WDR59: variants seen among roughly 807,000 people sequenced by gnomAD.
WDR59 encodes the protein WD repeat domain 59.
WDR59 carries 100 observed loss-of-function variants against 131.2 expected under a neutral mutation model. The observed-to-expected ratio is 0.76, with a 90% CI of 0.65 to 0.90. WDR59 has a LOEUF of 0.90. WDR59 is among the 40% of genes least tolerant of loss of function. The pLI, the probability that WDR59 is intolerant of heterozygous loss-of-function variation, is 0.00. For synonymous variants in WDR59, 601 were observed against 466.2 expected (o/e 1.29, Z -3.72); for missense variants, 1,203 against 1,262.2 (o/e 0.95, Z 0.71).
chr16:74,906,810 T>A (rs1226340379), intron 17 of WDR59, among the ~76,000 whole-genome samples: 2 of 152,012 alleles, frequency 1.3e-5, no homozygotes, highest in African/African-American at 4.8e-5. Flanking sequence ...ATGACAGAAG[T>A]CAAGAGAGTG....
At chr16:74,890,867 G>A (rs933132827) in intron 20 of WDR59, among the ~76,000 whole-genome samples, 2 of 151,976 alleles carry the variant, frequency 1.3e-5, no homozygotes, top group South Asian at 4.2e-4. Context: ...TGTAATCTCA[G>A]CACTTTGGGA....
In WDR59 at chr16:74,919,756, C is replaced by T. The variant is rs145422360; in HGVS notation, c.887-1748G>A. Among the ~76,000 whole-genome samples, 115 of 152,298 alleles carry T rather than the reference C, an allele frequency of 7.6e-4. 1 individual carries two copies. The highest frequency in any genetic ancestry group is 2.7e-3 in the African/African-American group (112 of 41,584). On this transcript the variant is annotated intron_variant, in intron 10 of 25. Transcript: ENST00000262144. ...CCTGAAACCAAGGACTACTGCTTCC[C>T]TCAGGAGGCATCCTTGTCCCCTGGC...
chr16:74,945,401 T>C (rs7192232), intron 6 of WDR59, among the ~76,000 whole-genome samples: 77,044 of 150,966 alleles, frequency 0.51, 20,376 homozygotes, highest in Middle Eastern at 0.63. Context: ...GGCGAGAACC[T>C]GGGAGGCAGA....
chr16:74,916,580 C>G (rs550690879), intron 11 of WDR59, among the ~76,000 whole-genome samples: 12 of 152,278 alleles, frequency 7.9e-5, no homozygotes, highest in African/African-American at 2.9e-4. Context: ...CATAACCGGC[C>G]AGGCGTAGTG....
chr16:74,930,954 C>T (rs973380338), intron 8 of WDR59, among the ~76,000 whole-genome samples: 2 of 146,504 alleles, frequency 1.4e-5, no homozygotes, highest in African/African-American at 2.5e-5. Context: ...GGTAATGTCT[C>T]GGAGCAAGAC....
At chr16:74,962,443 T>G (rs985644654) in intron 2 of WDR59, among the ~76,000 whole-genome samples, 1 of 152,198 alleles carries the variant, frequency 6.6e-6, no homozygotes, top group Non-Finnish European at 1.5e-5. Flanking sequence ...TATTTGTTTC[T>G]GTCCTCTCTG....
In WDR59 at chr16:74,874,462, C is replaced by T. The variant is rs190908353; in HGVS notation, c.2690-18G>A. 462 of 1,610,830 alleles carry T rather than the reference C, an allele frequency of 2.9e-4. 1 individual carries two copies. In the East Asian group the frequency reaches 5.0e-3, roughly 17 times the overall value. ...GCCGAACTCTGGAAATGGGCAGGGACGGGCAAAACAAGAGGCAGCATGAGT... is the reference window on the plus strand; with the variant it reads ...GCCGAACTCTGGAAATGGGCAGGGATGGGCAAAACAAGAGGCAGCATGAGT... On this transcript the variant is annotated intron_variant, in intron 25 of 25. Coordinates refer to ENST00000262144, the MANE Select transcript of WDR59 (RefSeq NM_030581.4).
intron 8 of WDR59, among the ~76,000 whole-genome samples, chr16:74,936,051 C>A (rs185625558): frequency 2.0e-5 from 3 of 151,706 alleles, no homozygotes; most frequent in East Asian, 3.9e-4. Flanking sequence ...AAATCAAATA[C>A]CATGCCAAAA....
intron 2 of WDR59, 122 bp downstream of exon 2, chr16:74,965,651 A>G: frequency 8.4e-7 from 1 of 1,192,538 alleles, no homozygotes; most frequent in Non-Finnish European, 1.2e-6. Context: ...CAAACAGGAT[A>G]TCAGAACTAA....
At chr16:74,896,572 T>C (rs575597196) in intron 18 of WDR59, among the ~76,000 whole-genome samples, 1 of 151,796 alleles carries the variant, frequency 6.6e-6, no homozygotes, top group East Asian at 1.9e-4. Context: ...GAGGCAGAAG[T>C]TGCAGTGAGC....
intron 1 of WDR59, chr16:74,978,958 AC>A (rs2034293718): frequency 6.6e-6 from 1 of 152,162 alleles, no homozygotes; most frequent in South Asian, 2.1e-4. Context: ...CCACTGCAGC[AC>A]TTTTGCAAAT....
chr16:74,954,269 G>A (rs752516633), intron 3 of WDR59, among the ~76,000 whole-genome samples: 2 of 151,504 alleles, frequency 1.3e-5, no homozygotes, highest in Admixed American at 6.6e-5. Context: ...TTAGCCAGGC[G>A]TGATCATGTG....
intron 1 of WDR59, among the ~76,000 whole-genome samples, chr16:74,982,009 A>G (rs1171339549): frequency 7.2e-6 from 1 of 139,280 alleles, no homozygotes; most frequent in Non-Finnish European, 1.6e-5. Context: ...TAATCCCAGC[A>G]CTTTGGGAAG....
At chr16:74,947,828 C>A (rs1417343276) in intron 6 of WDR59, among the ~76,000 whole-genome samples, 1 of 152,136 alleles carries the variant, frequency 6.6e-6, no homozygotes, top group South Asian at 2.1e-4. Context: ...CCCAGCACTT[C>A]GGGAGGCCAA....
chr16:74,981,637 TATA>T (rs2034417450), intron 1 of WDR59, among the ~76,000 whole-genome samples: 6 of 31,500 alleles, frequency 1.9e-4, no homozygotes, highest in African/African-American at 7.6e-4. Context: ...TATATATATA[TATA>T]TATATATATA....
At chr16:74,936,666 A>C (rs531134526) in intron 8 of WDR59, among the ~76,000 whole-genome samples, 5 of 152,192 alleles carry the variant, frequency 3.3e-5, no homozygotes, top group African/African-American at 9.6e-5. Flanking sequence ...TCTGTACTAA[A>C]AATACAAAAA....
At chr16:74,978,251 G>C (rs940877799) in intron 1 of WDR59, among the ~76,000 whole-genome samples, 1 of 150,982 alleles carries the variant, frequency 6.6e-6, no homozygotes, top group Non-Finnish European at 1.5e-5. Context: ...GAACTCAGGA[G>C]GCAGAGGTTA....
At chr16:74,963,700 C>T (rs1024577481) in intron 2 of WDR59, among the ~76,000 whole-genome samples, 50 of 152,162 alleles carry the variant, frequency 3.3e-4, no homozygotes, top group African/African-American at 1.2e-3. Context: ...CGTTTACCTA[C>T]GTAACAAACC....
intron 18 of WDR59, 94 bp from the exon 19 acceptor site, chr16:74,893,906 G>T: frequency 7.1e-7 from 1 of 1,410,444 alleles, no homozygotes; most frequent in Admixed American, 2.1e-5. Flanking sequence ...TTGGCAATTT[G>T]CACTTTTTAA....
Sources: allele counts gnomAD v4.1 joint callset (sites outside exome capture counted in the v4.1 genomes callset), GRCh38; gene constraint gnomAD v4.1.1; transcripts MANE v1.5; gene names NCBI Gene and HGNC (gene_info 2026-07-23, HGNC 2026-07-21).